FSCN2: variants seen among roughly 807,000 people sequenced by gnomAD.
FSCN2 encodes the protein fascin actin-bundling protein 2, retinal.
A neutral mutation model predicts 37.8 loss-of-function variants in FSCN2; 46 were observed. That is an observed-to-expected ratio of 1.22 (90% confidence interval 0.96 to 1.56). FSCN2 has a LOEUF of 1.56. FSCN2 is among the 40% of genes most tolerant of loss of function. The pLI is 0.00. For missense variants in FSCN2, 844 were observed against 730.4 expected (o/e 1.16, Z -1.79); for synonymous variants, 351 against 309.4 (o/e 1.13, Z -1.41).
the FSCN2 span, among the ~76,000 whole-genome samples, chr17:81,515,967 C>T: frequency 1.3e-5 from 2 of 152,278 alleles, no homozygotes; most frequent in Non-Finnish European, 2.9e-5. Context: ...GCCTTAGCCT[C>T]CCGAGTAGCT....
the FSCN2 span, among the ~76,000 whole-genome samples, chr17:81,515,874 T>G: frequency 6.6e-6 from 1 of 152,294 alleles, no homozygotes; most frequent in Non-Finnish European, 1.5e-5. Flanking sequence ...TTTGAGACAG[T>G]CTCATTGTCG....
rs928940644 is a variant in FSCN2 at position 81,530,286 on chromosome 17, C to T, written c.826+929C>T. 2.8e-5 allele frequency: 8 copies of T among 283,872 alleles called. No individual in the cohort carries two copies. In the East Asian group the frequency reaches 6.5e-4, roughly 23 times the overall value. 17.6% of individuals were successfully genotyped at this position (283,872 alleles called of 1,614,324 possible). ...GACACGGTGGGCAGGCAGCTTTACC[C>T]GGGGCCTGGGCTCCTGGTGGGGAGG... On this transcript the variant is annotated intron_variant, in intron 1 of 4. Coordinates refer to ENST00000417245, the MANE Select transcript of FSCN2 (RefSeq NM_012418.4).
intron 1 of FSCN2, among the ~76,000 whole-genome samples, chr17:81,534,086 G>A (rs1568080840): frequency 6.6e-6 from 1 of 152,244 alleles, no homozygotes; most frequent in Non-Finnish European, 1.5e-5. Flanking sequence ...CAGTGCAGGG[G>A]ACATGCCGGG....
At chr17:81,532,446 ATGGTGATGGTGG>A (rs1241584607) in intron 1 of FSCN2, among the ~76,000 whole-genome samples, 1 of 130,952 alleles carries the variant, frequency 7.6e-6, no homozygotes, top group African/African-American at 3.0e-5. Context: ...GGTGATGATG[ATGGTGATGGTGG>A]TGGTGATGGT....
upstream of FSCN2, chr17:81,527,130 C>T (rs1555670209): frequency 6.6e-6 from 1 of 152,408 alleles, no homozygotes; most frequent in African/African-American, 2.4e-5. Context: ...ACTCTGCCAC[C>T]ATGGCCCTGC....
At chr17:81,532,635 A>ATGGTGATGATGG (rs1169859156) in intron 1 of FSCN2, among the ~76,000 whole-genome samples, 12 of 143,554 alleles carry the variant, frequency 8.4e-5, no homozygotes, top group African/African-American at 3.3e-4. Context: ...GATGATGGTG[A>ATGGTGATGATGG]TGGTGATGAT....
chr17:81,537,093 A>C lies in FSCN2; in HGVS notation c.*13A>C, dbSNP rs748836608. ...TTGGGAGTACTGAGGCCGCGCCCAG[A>C]CCAGCCTGTCGCGCATTAAAACCGT... On this transcript the variant is annotated 3_prime_UTR_variant, in exon 5 of 5. Transcript: ENST00000417245. 1 of 1,413,528 alleles carries C rather than the reference A, an allele frequency of 7.1e-7. No homozygotes were observed. The highest frequency in any genetic ancestry group is 9.2e-7 in the Non-Finnish European group (1 of 1,090,112). 87.6% of individuals were successfully genotyped at this position (1,413,528 alleles called of 1,614,324 possible). A position where few individuals can be genotyped will look rare whatever the true frequency, so the allele number is the denominator to read the frequency against.
chr17:81,524,225 C>T (rs1313338768), upstream of FSCN2, among the ~76,000 whole-genome samples: 7 of 152,192 alleles, frequency 4.6e-5, no homozygotes, highest in East Asian at 7.7e-4. Flanking sequence ...GGATGGAGGC[C>T]GAGGCTCAGG....
In FSCN2 at chr17:81,529,008, C is replaced by A. The variant is rs371033160; in HGVS notation, c.477C>A (p.Asp159Glu). 19 of 1,584,460 alleles carry A rather than the reference C, an allele frequency of 1.2e-5. No homozygotes were observed. Among genetic ancestry groups the A allele is most frequent in the Non-Finnish European group, 1.6e-5 (19 of 1,170,188 alleles). The change falls in exon 1 of 5, where the codon GAC becomes GAA. Residue 159 changes from aspartate (D) to glutamate (E), a missense_variant. Transcript: ENST00000417245. The part of the protein sequence containing the change: ...RRYVHLCPRE[D>E]EMAADGDKPW... ...ACGTGCACCTGTGCCCGCGGGAGGA[C>A]GAGATGGCCGCAGACGGAGACAAGC...
At chr17:81,532,149 ATGG>A (rs1434719563) in intron 1 of FSCN2, among the ~76,000 whole-genome samples, 6 of 121,542 alleles carry the variant, frequency 4.9e-5, no homozygotes, top group Non-Finnish European at 1.0e-4. Context: ...GATGATGGTG[ATGG>A]TGATGATGAT....
In FSCN2 at chr17:81,529,437, G is replaced by A. The variant is rs139751076; in HGVS notation, c.826+80G>A. 6.2e-5 allele frequency: 68 copies of A among 1,093,038 alleles called. No individual in the cohort carries two copies. In the Middle Eastern group the frequency reaches 2.7e-3, roughly 44 times the overall value. 67.7% of individuals were successfully genotyped at this position (1,093,038 alleles called of 1,614,324 possible). On this transcript the variant is annotated intron_variant, in intron 1 of 4. Coordinates refer to ENST00000417245, the MANE Select transcript of FSCN2 (RefSeq NM_012418.4). Reference sequence around the variant, plus strand: ...AGGGAGGAGGCCGTGGGGGTCTCACGGGGAGTGGTATCGTGTCTGTGCGTT... The same window carrying A: ...AGGGAGGAGGCCGTGGGGGTCTCACAGGGAGTGGTATCGTGTCTGTGCGTT...
chr17:81,515,177 C>T, the FSCN2 span, among the ~76,000 whole-genome samples: 1 of 152,180 alleles, frequency 6.6e-6, no homozygotes, highest in African/African-American at 2.4e-5. Flanking sequence ...GGGGCTGGAC[C>T]GCGCGCTGTG....
chr17:81,536,933 A>C lies in FSCN2; in HGVS notation c.1332A>C (p.Glu444Asp). The C allele has an allele frequency of 6.4e-7, 1 of 1,572,586 alleles. No individual in the cohort carries two copies. Among genetic ancestry groups the C allele is most frequent in the South Asian group, 1.2e-5 (1 of 86,948 alleles). ...GSHGSVCSDG[E>D]RAEDFVFEFR... is the part of the protein sequence containing the mutation. ...ACGGCAGCGTGTGCAGCGACGGCGA[A>C]CGCGCCGAGGACTTCGTCTTCGAGT... Residue 444 changes from glutamate (E) to aspartate (D), a missense_variant, in exon 5 of 5, where the codon GAA (glutamate) becomes GAC (aspartate). Glu to Asp is a conservative substitution (Grantham distance 45). Transcript: ENST00000417245.
Position 81,528,701 on chromosome 17 carries a change from C to A in FSCN2, c.170C>A (p.Ala57Asp). The A allele has an allele frequency of 1.9e-6, 3 of 1,600,506 alleles. No individual in the cohort carries two copies. Among genetic ancestry groups the A allele is most frequent in the Non-Finnish European group, 1.7e-6 (2 of 1,174,504 alleles). Reference protein sequence around the residue: ...VLEPDPGQGTAVLLRSSHLGR... With the variant: ...VLEPDPGQGTDVLLRSSHLGR... ...GAACCCGACCCAGGACAAGGCACGG[C>A]TGTGCTGCTCCGCAGCAGCCACCTG... Residue 57 changes from alanine (A) to aspartate (D), a missense_variant, in exon 1 of 5, where the codon GCT becomes GAT. Ala to Asp is a moderately radical substitution (Grantham distance 126, BLOSUM62 -2). Transcript: ENST00000417245.
chr17:81,536,328 G>A lies in FSCN2; in HGVS notation c.1105+61G>A, dbSNP rs74002410. On this transcript the variant is annotated intron_variant, in intron 3 of 4. Transcript: ENST00000417245. Reference sequence around the variant, plus strand: ...CTGTCTCCACCCAGGGAAAGGACCTGCCCAGACACCCCATCTCCACCAAGA... The same window carrying A: ...CTGTCTCCACCCAGGGAAAGGACCTACCCAGACACCCCATCTCCACCAAGA... 26,647 of 1,545,370 alleles carry A rather than the reference G, an allele frequency of 0.017. 2,110 individuals carry two copies. The African/African-American group carries it at 0.22, about 13-fold the overall frequency.
At chr17:81,531,200 GATGGTGGTGATGGTGGTGATGGTGATA>G in intron 1 of FSCN2, among the ~76,000 whole-genome samples, 1 of 148,796 alleles carries the variant, frequency 6.7e-6, no homozygotes, top group Non-Finnish European at 1.5e-5. Context: ...TGATGGTGGT[GATGGTGGTGATGGTGGTGATGGTGATA>G]ATGGTGATGG....
rs2032421646 is a variant in FSCN2, at chr17:81,528,469, C to T, written c.-63C>T. The T allele has an allele frequency of 2.2e-5, 28 of 1,282,406 alleles. No individual in the cohort carries two copies. Among genetic ancestry groups the T allele is most frequent in the East Asian group, 5.1e-5 (2 of 39,368 alleles). 79.4% of individuals were successfully genotyped at this position (1,282,406 alleles called of 1,614,324 possible). ...GCCGACCCGGGCTTCTGGGGGACCG[C>T]GGGGGCCGTGAGCACTCAGAGGGCG... On this transcript the variant is annotated 5_prime_UTR_variant, in exon 1 of 5. Coordinates refer to ENST00000417245, the MANE Select transcript of FSCN2 (RefSeq NM_012418.4).
At chr17:81,531,690 A>ATGGTGATGGTGATGATGATGGTGATGG (rs2032620465) in intron 1 of FSCN2, among the ~76,000 whole-genome samples, 1 of 108,618 alleles carries the variant, frequency 9.2e-6, no homozygotes, top group Non-Finnish European at 1.7e-5. Context: ...GATGGTGATG[A>ATGGTGATGGTGATGATGATGGTGATGG]TGGTGATGGT....
the FSCN2 span, among the ~76,000 whole-genome samples, chr17:81,517,603 G>A: frequency 6.6e-6 from 1 of 152,160 alleles, no homozygotes; most frequent in South Asian, 2.1e-4. Context: ...TGTTCCCAAG[G>A]GCATAGCCCC....
Sources: gnomAD v4.1 joint callset for allele counts (sites outside exome capture counted in the v4.1 genomes callset) on GRCh38, gnomAD v4.1.1 for gene constraint, MANE v1.5 for transcripts, NCBI Gene and HGNC (gene_info 2026-07-23, HGNC 2026-07-21) for gene names.